Variants in NCAM2 observed in about 807,000 individuals in gnomAD.
NCAM2 encodes the protein N-CAM-2.
In NCAM2, 30 loss-of-function variants were observed where a neutral mutation model predicts 98.1. The ratio of observed to expected loss-of-function variants is 0.31; its 90% CI spans 0.23 to 0.41. NCAM2 has a LOEUF of 0.41. NCAM2 is among the 10% of genes least tolerant of loss of function. The pLI is 1.00. For synonymous variants in NCAM2, 368 were observed against 342.4 expected (o/e 1.07, Z -0.83); for missense variants, 867 against 1,005.8 (o/e 0.86, Z 1.87).
rs12627240 is a variant in NCAM2 at position 21,081,571 on chromosome 21, C to T, written c.55+82953C>T. Among the ~76,000 whole-genome samples the T allele has an allele frequency of 5.4e-3, 826 of 152,114 alleles. 23 individuals are homozygous for T. The East Asian group carries it at 0.077, about 14-fold the overall frequency. ...ATCCCAGCACTTTGGGAGGCTGAGACAAACAGATCACATTAGGTCCGGAAT... is the reference window on the plus strand; with the variant it reads ...ATCCCAGCACTTTGGGAGGCTGAGATAAACAGATCACATTAGGTCCGGAAT... On this transcript the variant is annotated intron_variant, in intron 1 of 17. Coordinates refer to ENST00000400546, the MANE Select transcript of NCAM2 (RefSeq NM_004540.5).
At chr21:21,209,112 C>G (rs1299575207) in intron 1 of NCAM2, among the ~76,000 whole-genome samples, 1 of 150,882 alleles carries the variant, frequency 6.6e-6, no homozygotes, top group Non-Finnish European at 1.5e-5. Context: ...CCACTCTCAG[C>G]GTCCTATTAA....
intron 8 of NCAM2, among the ~76,000 whole-genome samples, chr21:21,361,178 C>T (rs2075635068): frequency 6.6e-6 from 1 of 152,010 alleles, no homozygotes; most frequent in Non-Finnish European, 1.5e-5. Flanking sequence ...TATAATCATA[C>T]CTCATTGATC....
chr21:21,098,316 T>C (rs567368199), intron 1 of NCAM2, among the ~76,000 whole-genome samples: 11 of 151,830 alleles, frequency 7.2e-5, no homozygotes, highest in African/African-American at 2.4e-4. Context: ...TGTCAAAATT[T>C]TAATGTCACT....
chr21:21,418,445 G>T (rs374759650), intron 10 of NCAM2, 28 bp from the exon 11 acceptor site: 219 of 1,517,874 alleles, frequency 1.4e-4, no homozygotes, highest in Non-Finnish European at 1.9e-4. Flanking sequence ...TTTTAGAATT[G>T]TAACATTTGT....
intron 11 of NCAM2, among the ~76,000 whole-genome samples, chr21:21,421,834 A>C (rs372103624): frequency 6.6e-6 from 1 of 152,350 alleles, no homozygotes; most frequent in East Asian, 1.9e-4. Flanking sequence ...TAGAGCCAAA[A>C]TGTAGTGTGA....
chr21:21,152,020 AT>A (rs1569080828), intron 1 of NCAM2, among the ~76,000 whole-genome samples: 1 of 151,912 alleles, frequency 6.6e-6, no homozygotes, highest in East Asian at 1.9e-4. Context: ...AAATGTGGAA[AT>A]TTTCCACTAT....
chr21:21,349,231 G>GA (rs1275390493), intron 8 of NCAM2, among the ~76,000 whole-genome samples: 2 of 152,050 alleles, frequency 1.3e-5, no homozygotes, highest in East Asian at 3.9e-4. Context: ...TAATTCTATA[G>GA]AAAAAATATA....
intron 6 of NCAM2, among the ~76,000 whole-genome samples, chr21:21,333,704 G>A (rs2074777022): frequency 6.6e-6 from 1 of 152,004 alleles, no homozygotes; most frequent in Non-Finnish European, 1.5e-5. Flanking sequence ...AGTAAGCAGA[G>A]GGAAAATGCA....
intron 1 of NCAM2, among the ~76,000 whole-genome samples, chr21:21,196,524 A>G (rs532715277): frequency 4.1e-4 from 63 of 152,312 alleles, no homozygotes; most frequent in Non-Finnish European, 7.5e-4. Context: ...AAAGAATCCA[A>G]ATTGTGACAT....
chr21:21,419,545 G>A (rs2145963130), intron 11 of NCAM2, among the ~76,000 whole-genome samples: 2 of 122,556 alleles, frequency 1.6e-5, no homozygotes, highest in South Asian at 5.2e-4. Flanking sequence ...GGAGTGTGAT[G>A]CTCCCCTTCC....
chr21:21,492,805 C>G (rs900958285), intron 15 of NCAM2, among the ~76,000 whole-genome samples: 1 of 151,680 alleles, frequency 6.6e-6, no homozygotes, highest in African/African-American at 2.4e-5. Context: ...ATGTTAAAAA[C>G]AAGTATTCAA....
chr21:21,422,485 G>A (rs575812330), intron 11 of NCAM2, among the ~76,000 whole-genome samples: 3 of 152,234 alleles, frequency 2.0e-5, no homozygotes, highest in Admixed American at 6.5e-5. Flanking sequence ...GAAGTAAAAT[G>A]TATATGTGTT....
chr21:21,280,980 G>A lies in NCAM2; in HGVS notation c.130+328G>A, dbSNP rs576213861. Among the ~76,000 whole-genome samples, 62 of 151,958 alleles carry A rather than the reference G, an allele frequency of 4.1e-4. 4 individuals carry two copies. The highest frequency in any genetic ancestry group is 3.9e-3 in the Admixed American group (59 of 15,250). On this transcript the variant is annotated intron_variant, in intron 2 of 17. Coordinates refer to ENST00000400546, the MANE Select transcript of NCAM2 (RefSeq NM_004540.5). ...CTTTTTGTGTTTTTGTAGTAGAGAC[G>A]GGGTTTCACCATGTTGGCCAGGCTG...
At chr21:21,026,933 C>T (rs2064561203) in intron 1 of NCAM2, among the ~76,000 whole-genome samples, 2 of 150,414 alleles carry the variant, frequency 1.3e-5, no homozygotes, top group Admixed American at 6.6e-5. Context: ...CTTGGCTCAC[C>T]ACAACCTCCA....
At chr21:21,400,163 C>T (rs2076598046) in intron 9 of NCAM2, among the ~76,000 whole-genome samples, 1 of 152,076 alleles carries the variant, frequency 6.6e-6, no homozygotes, top group African/African-American at 2.4e-5. Context: ...CTGAATGAAA[C>T]ATTGAGGAAG....
chr21:21,089,992 G>A (rs2065980152), intron 1 of NCAM2, among the ~76,000 whole-genome samples: 1 of 152,110 alleles, frequency 6.6e-6, no homozygotes, highest in Non-Finnish European at 1.5e-5. Flanking sequence ...CAAATAGGTA[G>A]GGATGCAAGG....
intron 17 of NCAM2, among the ~76,000 whole-genome samples, chr21:21,536,377 G>A (rs547252994): frequency 5.0e-4 from 75 of 150,118 alleles, no homozygotes; most frequent in African/African-American, 1.8e-3. Flanking sequence ...GAGATGGATT[G>A]GAATACTATT....
intron 1 of NCAM2, among the ~76,000 whole-genome samples, chr21:21,209,348 T>A (rs1263661235): frequency 1.3e-5 from 2 of 152,210 alleles, no homozygotes; most frequent in Admixed American, 1.3e-4. Context: ...CCCAGATAGC[T>A]CCGACTATAG....
At chr21:21,424,767 TACG>T (rs1478618390) in intron 11 of NCAM2, among the ~76,000 whole-genome samples, 1 of 151,920 alleles carries the variant, frequency 6.6e-6, no homozygotes, top group Admixed American at 6.6e-5. Flanking sequence ...CAAGGTGGTT[TACG>T]CCTGTAATAC....
Sources: gnomAD v4.1 joint callset for allele counts (sites outside exome capture counted in the v4.1 genomes callset) on GRCh38, gnomAD v4.1.1 for gene constraint, MANE v1.5 for transcripts, NCBI Gene and HGNC (gene_info 2026-07-23, HGNC 2026-07-21) for gene names.